DRAM2: variants seen among roughly 807,000 people sequenced by gnomAD.
The protein encoded by DRAM2 is DNA damage regulated autophagy modulator 2.
In DRAM2, 26 loss-of-function variants were observed where a neutral mutation model predicts 33.5. The ratio of observed to expected loss-of-function variants is 0.78; its 90% CI spans 0.57 to 1.08. The LOEUF is 1.08. Among genes scored for constraint, DRAM2 ranks in the 50% least tolerant of loss-of-function variants. The pLI is 0.00. For missense variants in DRAM2, 311 were observed against 318.1 expected, an observed-to-expected ratio of 0.98 and a Z score of 0.17; for synonymous variants, 98 against 109.5, an observed-to-expected ratio of 0.89 and a Z score of 0.66.
At chr1:111,134,156 A>T (rs1652687274) in intron 3 of DRAM2, among the ~76,000 whole-genome samples, 1 of 152,214 alleles carries the variant, frequency 6.6e-6, no homozygotes, top group South Asian at 2.1e-4. Context: ...TTAAGTAATA[A>T]TGAGTCAATA....
intron 4 of DRAM2, among the ~76,000 whole-genome samples, chr1:111,127,742 A>G (rs1651302360): frequency 6.6e-6 from 1 of 152,176 alleles, no homozygotes; most frequent in South Asian, 2.1e-4. Context: ...TGGTTGGCTA[A>G]GAGTGTTCCT....
At position 111,126,262 on chromosome 1, in the gene DRAM2, A is replaced by T; in HGVS notation, c.164T>A (p.Leu55Ter). Residue 55 changes from leucine (L) to a stop codon, truncating the protein, a stop_gained, in exon 5 of 10, where the codon TTA becomes TAA. Transcript: ENST00000484310. LOFTEE classifies it high-confidence loss of function. ...CGCAATATTTAGCATTGCCCCAAAT[A>T]AGCATTTTTCTGGAGCTACTGTACC... is the stretch of plus-strand genomic sequence containing the variant. Reference protein sequence around the residue: ...DTGTVAPEKCLFGAMLNIAAV... With the variant: ...DTGTVAPEKC 6.2e-7 allele frequency: 1 copy of T among 1,611,316 alleles called. No homozygotes were observed. Among genetic ancestry groups the T allele is most frequent in the South Asian group, 1.1e-5 (1 of 90,862 alleles).
At chr1:111,118,658 G>T in intron 9 of DRAM2, 147 bp downstream of exon 9, 1 of 581,948 alleles carries the variant, frequency 1.7e-6, no homozygotes. Context: ...CACCTGAAAA[G>T]TTACATCACT....
intron 4 of DRAM2, among the ~76,000 whole-genome samples, chr1:111,130,921 C>T (rs1000534999): frequency 6.7e-6 from 1 of 150,306 alleles, no homozygotes; most frequent in Admixed American, 6.7e-5. Context: ...GCAGAAGAAT[C>T]GCTTGAACTC....
At chr1:111,131,320 T>C (rs1652026800) in intron 4 of DRAM2, 104 bp downstream of exon 4, 3 of 1,258,350 alleles carry the variant, frequency 2.4e-6, no homozygotes. Context: ...GTAATGCCAA[T>C]GTAAAATCTG....
intron 3 of DRAM2, among the ~76,000 whole-genome samples, chr1:111,137,168 G>C (rs1001881720): frequency 1.3e-5 from 2 of 150,162 alleles, no homozygotes; most frequent in African/African-American, 4.9e-5. Context: ...CAGGAGAATG[G>C]TGTGAACCCC....
intron 8 of DRAM2, chr1:111,119,596 T>G: frequency 3.2e-6 from 1 of 315,914 alleles, no homozygotes; most frequent in African/African-American, 2.2e-5. Flanking sequence ...CGGTTGGCTA[T>G]ATTATATACT....
At chr1:111,133,400 A>G (rs1317869437) in intron 3 of DRAM2, among the ~76,000 whole-genome samples, 1 of 152,070 alleles carries the variant, frequency 6.6e-6, no homozygotes, top group East Asian at 1.9e-4. Flanking sequence ...CTGGTCTCGA[A>G]TTCCTCACCT....
intron 9 of DRAM2, 51 bp downstream of exon 9, chr1:111,118,754 G>A: frequency 7.0e-7 from 1 of 1,423,654 alleles, no homozygotes; most frequent in Non-Finnish European, 9.7e-7. Flanking sequence ...TACCTTCCTG[G>A]ACTAAGAGAA....
In DRAM2 at chr1:111,131,439, G is replaced by C; in HGVS notation, c.116C>G (p.Ala39Gly). 1.9e-6 allele frequency: 3 copies of C among 1,613,924 alleles called. No individual in the cohort carries two copies. Among genetic ancestry groups the C allele is most frequent in the Non-Finnish European group, 2.5e-6 (3 of 1,179,902 alleles). Residue 39 changes from alanine (A) to glycine (G), a missense_variant, in exon 4 of 10, where the codon GCT becomes GGT. Ala to Gly is a moderately conservative substitution (Grantham distance 60). Transcript: ENST00000484310. The part of the protein sequence containing the change: ...TAVTLHHIDP[A>G]LPYISDTGTV... ...TTTCACTTACCTGATATAAGGTAAA[G>C]CCGGGTCTATATGGTGGAGTGTTAC...
chr1:111,136,397 T>C (rs1262494225), intron 3 of DRAM2, among the ~76,000 whole-genome samples: 1 of 152,008 alleles, frequency 6.6e-6, no homozygotes, highest in Non-Finnish European at 1.5e-5. Context: ...AAACCCAGTC[T>C]CTACTAAAAA....
In DRAM2 at chr1:111,117,653, G is replaced by A. The variant is rs958425578; in HGVS notation, c.*507C>T. 4.5e-5 allele frequency: 7 copies of A among 156,256 alleles called. No homozygotes were observed. The highest frequency in any genetic ancestry group is 1.7e-4 in the African/African-American group (7 of 41,410). The allele number at this position is 156,256 out of a possible 1,614,324, so 9.7% of individuals were successfully genotyped here. A position where few individuals can be genotyped will look rare whatever the true frequency, so the allele number is the denominator to read the frequency against. The stretch of plus-strand genomic sequence containing the variant: ...CCAGGTCTACTTTCCTTTACAGGTA[G>A]ATTCCAGAACAACAACAAAAAATGT... On this transcript the variant is annotated 3_prime_UTR_variant, in exon 10 of 10. Transcript: ENST00000484310.
In DRAM2 at chr1:111,118,252, C is replaced by T. The variant is rs1199736551; in HGVS notation, c.709G>A (p.Val237Met). Residue 237 changes from valine (V) to methionine (M), a missense_variant, in exon 10 of 10, where the codon GTG becomes ATG. Physicochemically the swap from Val to Met is conservative, Grantham distance 21. Transcript: ENST00000484310. Reference protein sequence around the residue: ...IRDFQKISLRVEANLHGLTLY... With the variant: ...IRDFQKISLRMEANLHGLTLY... ...GTTAATCCATGTAAATTGGCTTCCA[C>T]CCGTAAAGAAATTTTCTGGAACAGA... is the stretch of plus-strand genomic sequence containing the variant. The T allele has an allele frequency of 6.2e-7, 1 of 1,611,220 alleles. No individual in the cohort carries two copies. Among genetic ancestry groups the T allele is most frequent in the South Asian group, 1.1e-5 (1 of 90,438 alleles).
intron 3 of DRAM2, among the ~76,000 whole-genome samples, chr1:111,131,851 CTT>C (rs1298536475): frequency 1.3e-5 from 2 of 152,184 alleles, no homozygotes; most frequent in Non-Finnish European, 2.9e-5. Flanking sequence ...CAAATCTACC[CTT>C]TTTCTCCATC....
At chr1:111,133,598 GTGTT>G (rs2101103375) in intron 3 of DRAM2, among the ~76,000 whole-genome samples, 1 of 152,340 alleles carries the variant, frequency 6.6e-6, no homozygotes, top group Non-Finnish European at 1.5e-5. Flanking sequence ...TGCCTTAGCA[GTGTT>G]TACTAAACAC....
intron 5 of DRAM2, 91 bp from the exon 6 acceptor site, chr1:111,124,972 A>G: frequency 1.1e-5 from 11 of 1,043,128 alleles, no homozygotes; most frequent in Non-Finnish European, 1.4e-5. Flanking sequence ...ACTGCTATCC[A>G]GAATCACAGA....
At chr1:111,121,833 C>A (rs1179259535) in intron 6 of DRAM2, among the ~76,000 whole-genome samples, 2 of 151,878 alleles carry the variant, frequency 1.3e-5, no homozygotes, top group African/African-American at 4.8e-5. Flanking sequence ...GCTGGAGATA[C>A]AATGGTGAAC....
chr1:111,128,115 T>C (rs1651377814), intron 4 of DRAM2: 1 of 149,964 alleles, frequency 6.7e-6, no homozygotes, highest in South Asian at 2.1e-4. Context: ...TGTTAACAGC[T>C]AAACCATTTT....
At chr1:111,139,023 G>A (rs1653916837) in intron 2 of DRAM2, 1 of 152,198 alleles carries the variant, frequency 6.6e-6, no homozygotes, top group Admixed American at 6.5e-5. Flanking sequence ...GAGATGCACA[G>A]AACCATCAGG....
Sources: allele counts gnomAD v4.1 joint callset (sites outside exome capture counted in the v4.1 genomes callset), GRCh38; gene constraint gnomAD v4.1.1; transcripts MANE v1.5; gene names NCBI Gene and HGNC (gene_info 2026-07-23, HGNC 2026-07-21).